The following TLL2 variants were observed in gnomAD, a reference collection of about 807,000 sequenced individuals.
TLL2 encodes the protein tolloid like 2.
In TLL2, 106 loss-of-function variants were observed where a neutral mutation model predicts 123.0. That is an observed-to-expected ratio of 0.86 (90% CI 0.74 to 1.01). TLL2 has a LOEUF of 1.01. TLL2 is among the 50% of genes least tolerant of loss of function. The probability of loss-of-function intolerance (pLI) is 0.00; values close to 1 mark genes in which losing one functional copy is unlikely to be tolerated. For synonymous variants in TLL2, 494 were observed against 516.8 expected (o/e 0.96, Z 0.60); for missense variants, 1,332 against 1,336.7 (o/e 1.00, Z 0.06).
intron 1 of TLL2, 84 bp from the exon 2 acceptor site, chr10:96,480,543 G>T: frequency 9.1e-7 from 1 of 1,100,396 alleles, no homozygotes; most frequent in Non-Finnish European, 1.4e-6. Context: ...GGCATTGGGT[G>T]TTGGGTGGTA....
intron 2 of TLL2, among the ~76,000 whole-genome samples, chr10:96,470,702 C>T (rs1309955351): frequency 6.6e-6 from 1 of 152,310 alleles, no homozygotes; most frequent in East Asian, 1.9e-4. Context: ...GACTAGAGTC[C>T]TAATCTTGGC....
At chr10:96,425,639 A>T (rs1287362288) in intron 5 of TLL2, among the ~76,000 whole-genome samples, 1 of 151,878 alleles carries the variant, frequency 6.6e-6, no homozygotes, top group Non-Finnish European at 1.5e-5. Flanking sequence ...ATAAAAGTGT[A>T]TCAAACTATT....
At chr10:96,405,779 C>T (rs749392397) in intron 9 of TLL2, among the ~76,000 whole-genome samples, 9 of 152,228 alleles carry the variant, frequency 5.9e-5, no homozygotes, top group Non-Finnish European at 1.3e-4. Context: ...TCAACCTCCC[C>T]TCAGCCATGA....
chr10:96,477,220 A>G (rs1019960231), intron 2 of TLL2, among the ~76,000 whole-genome samples: 2 of 152,110 alleles, frequency 1.3e-5, no homozygotes, highest in African/African-American at 4.8e-5. Context: ...ACTAGAAAAA[A>G]AAATATCAAG....
chr10:96,488,959 G>A (rs1847384763), intron 1 of TLL2, among the ~76,000 whole-genome samples: 1 of 152,212 alleles, frequency 6.6e-6, no homozygotes, highest in Non-Finnish European at 1.5e-5. Flanking sequence ...TCATAGCAGA[G>A]GTCCTTCCAT....
chr10:96,392,269 C>T (rs1846296560), intron 13 of TLL2, among the ~76,000 whole-genome samples: 1 of 152,142 alleles, frequency 6.6e-6, no homozygotes, highest in Non-Finnish European at 1.5e-5. Flanking sequence ...CAGAGAAATA[C>T]CTTCCATTGT....
intron 1 of TLL2, among the ~76,000 whole-genome samples, chr10:96,485,886 A>G (rs1351705756): frequency 6.6e-6 from 1 of 152,190 alleles, no homozygotes; most frequent in East Asian, 1.9e-4. Context: ...TTTTTCCCCC[A>G]AAGAAAAAGT....
At chr10:96,489,527 G>A (rs532368678) in intron 1 of TLL2, among the ~76,000 whole-genome samples, 7 of 151,906 alleles carry the variant, frequency 4.6e-5, no homozygotes, top group South Asian at 2.1e-4. Context: ...AAACCTTGTC[G>A]AAAGAAAGAA....
intron 1 of TLL2, among the ~76,000 whole-genome samples, chr10:96,493,251 C>T (rs946024947): frequency 6.6e-6 from 1 of 152,164 alleles, no homozygotes; most frequent in Non-Finnish European, 1.5e-5. Context: ...AACTGCCATG[C>T]GTCTTTGGCT....
intron 20 of TLL2, among the ~76,000 whole-genome samples, chr10:96,368,837 G>A (rs1261336424): frequency 6.6e-6 from 1 of 152,192 alleles, no homozygotes; most frequent in East Asian, 1.9e-4. Flanking sequence ...AGGTTCTAGT[G>A]GAGCCAAAGT....
At chr10:96,425,281 CT>C (rs1846668658) in intron 5 of TLL2, among the ~76,000 whole-genome samples, 1 of 151,720 alleles carries the variant, frequency 6.6e-6, no homozygotes, top group African/African-American at 2.4e-5. Flanking sequence ...CTCTCTCTCT[CT>C]CTCTCTCTCT....
chr10:96,426,355 T>A (rs1407115075), intron 5 of TLL2, among the ~76,000 whole-genome samples: 1 of 152,174 alleles, frequency 6.6e-6, no homozygotes, highest in Admixed American at 6.5e-5. Context: ...TTTATCATGT[T>A]TTCCTTTCTT....
rs1214273885 is a variant in TLL2, at chr10:96,441,325, C to T, written c.364+4766G>A. Reference sequence around the variant, plus strand: ...ATTTGCACCTCACCTGCAGCAATCTCGAAAGGCTGAAGGCCGCTAAGTAAA... The same window carrying T: ...ATTTGCACCTCACCTGCAGCAATCTTGAAAGGCTGAAGGCCGCTAAGTAAA... On this transcript the variant is annotated intron_variant, in intron 3 of 20. Coordinates refer to ENST00000357947, the MANE Select transcript of TLL2 (RefSeq NM_012465.4). Among the ~76,000 whole-genome samples, 3 of 152,228 alleles carry T rather than the reference C, an allele frequency of 2.0e-5. No individual in the cohort carries two copies. In the South Asian group the frequency reaches 6.2e-4, roughly 31 times the overall value.
At chr10:96,509,624 G>A (rs776133814) in intron 1 of TLL2, among the ~76,000 whole-genome samples, 7 of 152,238 alleles carry the variant, frequency 4.6e-5, no homozygotes, top group African/African-American at 1.7e-4. Flanking sequence ...AAGTCCTTGT[G>A]TAAGGCTCTT....
chr10:96,457,972 G>A (rs1236944684), intron 2 of TLL2, among the ~76,000 whole-genome samples: 2 of 152,142 alleles, frequency 1.3e-5, no homozygotes, highest in African/African-American at 4.8e-5. Context: ...CTTCTAAAAT[G>A]CAAGCTCCAT....
intron 19 of TLL2, among the ~76,000 whole-genome samples, chr10:96,371,590 T>A (rs1055501289): frequency 3.9e-5 from 6 of 152,230 alleles, no homozygotes; most frequent in Non-Finnish European, 8.8e-5. Flanking sequence ...GCTTAGAATG[T>A]CTTACAGGTC....
intron 2 of TLL2, among the ~76,000 whole-genome samples, chr10:96,463,617 CAG>C (rs938469595): frequency 2.0e-5 from 3 of 152,188 alleles, no homozygotes; most frequent in African/African-American, 7.2e-5. Flanking sequence ...GCCAGGCTCC[CAG>C]GCAGGGGGAG....
At chr10:96,434,557 C>A (rs1417956011) in intron 3 of TLL2, among the ~76,000 whole-genome samples, 4 of 152,210 alleles carry the variant, frequency 2.6e-5, no homozygotes, top group Non-Finnish European at 2.9e-5. Flanking sequence ...CCATTGTATG[C>A]ACATACCACA....
rs908622509 is a variant in TLL2 at position 96,488,369 on chromosome 10, C to A, written c.176-7910G>T. Reference sequence around the variant, plus strand: ...GGCATGGCCTGGCCCTTCCGCAGCACCTGCGGGAAGCCCCCATGGTGTGGG... The same window carrying A: ...GGCATGGCCTGGCCCTTCCGCAGCAACTGCGGGAAGCCCCCATGGTGTGGG... On this transcript the variant is annotated intron_variant, in intron 1 of 20. Coordinates refer to ENST00000357947, the MANE Select transcript of TLL2 (RefSeq NM_012465.4). 2.6e-5 allele frequency among the ~76,000 whole-genome samples: 4 copies of A among 152,342 alleles called. No individual in the cohort carries two copies. In the South Asian group the frequency reaches 6.2e-4, roughly 24 times the overall value.
Sources: gnomAD v4.1 joint callset for allele counts (sites outside exome capture counted in the v4.1 genomes callset) on GRCh38, gnomAD v4.1.1 for gene constraint, MANE v1.5 for transcripts, NCBI Gene and HGNC (gene_info 2026-07-23, HGNC 2026-07-21) for gene names.